Variants in NCEH1 observed in about 807,000 individuals in gnomAD.
The protein encoded by NCEH1 is 2-acetyl MAGE hydrolase.
A neutral mutation model predicts 25.4 loss-of-function variants in NCEH1; 9 were observed. The ratio of observed to expected loss-of-function variants is 0.35; its 90% CI spans 0.21 to 0.62. The LOEUF (loss-of-function observed/expected upper bound fraction) is 0.62, where lower values mean the gene tolerates loss of function less well. Ranked by LOEUF, NCEH1 falls within the 20% of genes least tolerant of loss-of-function variation. The pLI, the probability that NCEH1 is intolerant of heterozygous loss-of-function variation, is 0.72. For missense variants in NCEH1, 412 were observed against 501.1 expected (o/e 0.82, Z 1.70); for synonymous variants, 200 against 199.8 (o/e 1.00, Z -0.01).
chr3:172,641,497 G>C (rs771487937), intron 3 of NCEH1, among the ~76,000 whole-genome samples: 1 of 152,140 alleles, frequency 6.6e-6, no homozygotes, highest in Non-Finnish European at 1.5e-5. Context: ...AGCTTCCTCA[G>C]ATAAAAACCT....
intron 1 of NCEH1, among the ~76,000 whole-genome samples, chr3:172,657,010 TC>T (rs1717728151): frequency 6.6e-6 from 1 of 152,126 alleles, no homozygotes; most frequent in Non-Finnish European, 1.5e-5. Context: ...TAACAGTTCA[TC>T]CCCCACTCCC....
chr3:172,653,230 C>T (rs1472341965), intron 1 of NCEH1, among the ~76,000 whole-genome samples: 1 of 152,102 alleles, frequency 6.6e-6, no homozygotes, highest in East Asian at 1.9e-4. Flanking sequence ...CCCAGTGGAA[C>T]CAGACAAAGA....
intron 1 of NCEH1, among the ~76,000 whole-genome samples, chr3:172,667,827 G>A (rs890931387): frequency 1.2e-4 from 18 of 152,148 alleles, no homozygotes; most frequent in Non-Finnish European, 2.4e-4. Flanking sequence ...TTATACAAGG[G>A]CATGGCATTT....
At chr3:172,703,683 G>A (rs1002013724) in intron 1 of NCEH1, among the ~76,000 whole-genome samples, 1 of 152,088 alleles carries the variant, frequency 6.6e-6, no homozygotes, top group Non-Finnish European at 1.5e-5. Context: ...GTAGAAATAG[G>A]ATGTCCCATT....
chr3:172,659,033 G>T (rs1717841666), intron 1 of NCEH1, among the ~76,000 whole-genome samples: 1 of 151,864 alleles, frequency 6.6e-6, no homozygotes, highest in African/African-American at 2.4e-5. Context: ...TCAGACCACG[G>T]GGGGTCAGTG....
Position 172,645,715 on chromosome 3 carries a change from T to C in NCEH1, c.368-23A>G, listed in dbSNP as rs766347787. 2.0e-5 allele frequency: 30 copies of C among 1,509,422 alleles called. No individual in the cohort carries two copies. The Admixed American group carries it at 5.5e-4, about 28-fold the overall frequency. 93.5% of individuals were successfully genotyped at this position (1,509,422 alleles called of 1,614,324 possible). Reference sequence around the variant, plus strand: ...TTTCTAAAAGACACAAAGGGAACAATCATTACAAAACAGGTCATTTAATAC... The same window carrying C: ...TTTCTAAAAGACACAAAGGGAACAACCATTACAAAACAGGTCATTTAATAC... On this transcript the variant is annotated intron_variant, in intron 2 of 4. Coordinates refer to ENST00000475381, the MANE Select transcript of NCEH1 (RefSeq NM_020792.6).
rs542261848 is a variant in NCEH1, at chr3:172,647,058, AT to A, written c.367+827del. Among the ~76,000 whole-genome samples the A allele has an allele frequency of 5.5e-4, 84 of 152,344 alleles. 1 individual carries two copies. The South Asian group carries it at 8.7e-3, about 16-fold the overall frequency. ...CTGAATAAAAGAATAAACAACGGAT[AT>A]GGAATTAAATAAGATTACTAGAAAA... On this transcript the variant is annotated intron_variant, in intron 2 of 4. Coordinates refer to ENST00000475381, the MANE Select transcript of NCEH1 (RefSeq NM_020792.6).
chr3:172,662,013 G>C (rs1357485399), intron 1 of NCEH1, among the ~76,000 whole-genome samples: 1 of 144,398 alleles, frequency 6.9e-6, no homozygotes. Flanking sequence ...TGTTGAATAG[G>C]AGTGGTGAGA....
intron 1 of NCEH1, among the ~76,000 whole-genome samples, chr3:172,656,278 A>G (rs1004293771): frequency 1.3e-5 from 2 of 152,224 alleles, no homozygotes; most frequent in African/African-American, 4.8e-5. Flanking sequence ...CAAGAGAGAG[A>G]CAAAGTTACA....
chr3:172,697,516 C>G (rs1490058838), intron 1 of NCEH1, among the ~76,000 whole-genome samples: 1 of 152,082 alleles, frequency 6.6e-6, no homozygotes, highest in Non-Finnish European at 1.5e-5. Flanking sequence ...CTCAAATAAA[C>G]TGTTAAACTT....
intron 1 of NCEH1, among the ~76,000 whole-genome samples, chr3:172,704,406 A>T (rs1713867121): frequency 6.6e-6 from 1 of 152,226 alleles, no homozygotes; most frequent in Non-Finnish European, 1.5e-5. Flanking sequence ...AGCCAGGCTC[A>T]TGCTCCGAGC....
At chr3:172,692,083 C>T (rs576505809) in intron 1 of NCEH1, among the ~76,000 whole-genome samples, 126 of 151,988 alleles carry the variant, frequency 8.3e-4, no homozygotes, top group African/African-American at 2.9e-3. Context: ...CCCCTTTTGA[C>T]AAACATTCAA....
chr3:172,674,324 T>C (rs1233775676), intron 1 of NCEH1, among the ~76,000 whole-genome samples: 1 of 151,324 alleles, frequency 6.6e-6, no homozygotes, highest in East Asian at 1.9e-4. Context: ...CGTGCCGTAA[T>C]CCCAGCTACT....
chr3:172,643,740 A>T (rs182594473), intron 3 of NCEH1, among the ~76,000 whole-genome samples: 2 of 152,296 alleles, frequency 1.3e-5, no homozygotes, highest in Non-Finnish European at 2.9e-5. Context: ...GCCCTGTGGT[A>T]AATGGAAAAT....
intron 1 of NCEH1, among the ~76,000 whole-genome samples, chr3:172,693,666 C>G (rs569985895): frequency 6.6e-6 from 1 of 152,122 alleles, no homozygotes; most frequent in Non-Finnish European, 1.5e-5. Context: ...CTTCTGTAGA[C>G]GTAACCAATA....
At chr3:172,669,622 C>A (rs139105277) in intron 1 of NCEH1, among the ~76,000 whole-genome samples, 27 of 152,254 alleles carry the variant, frequency 1.8e-4, no homozygotes, top group South Asian at 6.2e-4. Flanking sequence ...CTGCAACCTC[C>A]GCCTCCTGGG....
chr3:172,691,860 T>G (rs998176789), intron 1 of NCEH1, among the ~76,000 whole-genome samples: 1 of 150,810 alleles, frequency 6.6e-6, no homozygotes, highest in African/African-American at 2.4e-5. Context: ...GGCAGGAGAA[T>G]GGTGTGAACC....
chr3:172,691,366 CCTT>C (rs1347264960), intron 1 of NCEH1, among the ~76,000 whole-genome samples: 2 of 28,796 alleles, frequency 6.9e-5, no homozygotes, highest in Non-Finnish European at 1.2e-4. Context: ...CTAGATCTCT[CCTT>C]CATTTTTGTT....
intron 4 of NCEH1, among the ~76,000 whole-genome samples, chr3:172,635,621 G>A (rs1057116015): frequency 6.6e-6 from 1 of 152,168 alleles, no homozygotes; most frequent in Non-Finnish European, 1.5e-5. Context: ...AGGAGCAGGG[G>A]ATACTGGAGT....
Sources: gnomAD v4.1 joint callset for allele counts (sites outside exome capture counted in the v4.1 genomes callset) on GRCh38, gnomAD v4.1.1 for gene constraint, MANE v1.5 for transcripts, NCBI Gene and HGNC (gene_info 2026-07-23, HGNC 2026-07-21) for gene names.